DLG2: variants seen among roughly 807,000 people sequenced by gnomAD.
DLG2 encodes disks large homolog 2.
DLG2 carries 45 observed loss-of-function variants against 132.5 expected under a neutral mutation model. The observed-to-expected ratio is 0.34, with a 90% CI of 0.27 to 0.44. DLG2 has a LOEUF of 0.44. Among genes scored for constraint, DLG2 ranks in the 20% least tolerant of loss-of-function variants. The probability of loss-of-function intolerance (pLI) is 1.00; values close to 1 mark genes in which losing one functional copy is unlikely to be tolerated. For missense variants in DLG2, 1,045 were observed against 1,196.9 expected (o/e 0.87, Z 1.87); for synonymous variants, 424 against 419.6 (o/e 1.01, Z -0.13).
intron 19 of DLG2, among the ~76,000 whole-genome samples, chr11:83,589,676 A>G (rs1488646284): frequency 6.6e-6 from 1 of 150,648 alleles, no homozygotes; most frequent in Non-Finnish European, 1.5e-5. Flanking sequence ...AAATGCTCCA[A>G]TTAAAAGACA....
At chr11:84,067,986 A>T (rs973403890) in intron 10 of DLG2, among the ~76,000 whole-genome samples, 1 of 152,138 alleles carries the variant, frequency 6.6e-6, no homozygotes, top group Non-Finnish European at 1.5e-5. Context: ...AACCTGGTTC[A>T]CTTGTCAAGT....
intron 14 of DLG2, among the ~76,000 whole-genome samples, chr11:83,945,720 T>A (rs2083671786): frequency 6.6e-6 from 1 of 151,986 alleles, no homozygotes; most frequent in African/African-American, 2.4e-5. Flanking sequence ...GAGCAATGAT[T>A]TTCTTTGCAC....
intron 8 of DLG2, among the ~76,000 whole-genome samples, chr11:84,242,537 C>G (rs983840791): frequency 3.9e-5 from 6 of 151,904 alleles, no homozygotes; most frequent in African/African-American, 1.5e-4. Flanking sequence ...TCCCAAGTAG[C>G]TGGGATTACA....
chr11:84,495,130 G>A (rs951081478), intron 7 of DLG2, among the ~76,000 whole-genome samples: 7 of 151,952 alleles, frequency 4.6e-5, no homozygotes, highest in Admixed American at 4.6e-4. Context: ...AATTACCATC[G>A]TACTTATATA....
chr11:85,332,230 T>G (rs1170368533), intron 3 of DLG2, among the ~76,000 whole-genome samples: 3 of 152,202 alleles, frequency 2.0e-5, no homozygotes, highest in Non-Finnish European at 4.4e-5. Flanking sequence ...TAATAAACAT[T>G]TGTTCATGTG....
chr11:83,950,596 A>G (rs987663686), intron 14 of DLG2, among the ~76,000 whole-genome samples: 1 of 152,242 alleles, frequency 6.6e-6, no homozygotes, highest in Non-Finnish European at 1.5e-5. Flanking sequence ...CCTGTCTCAA[A>G]AAACAAACAA....
rs117295723 is a variant in DLG2, at chr11:83,489,392, A to G, written c.2194-5164T>C. Among the ~76,000 whole-genome samples the G allele has an allele frequency of 1.1e-4, 17 of 152,148 alleles. No homozygotes were observed. In the East Asian group the frequency reaches 3.3e-3, roughly 29 times the overall value. Reference sequence around the variant, plus strand: ...AGAAACCAATAAAAAATGGCAGGAAAACACATAGATCAGAAGAAACTTTGA... The same window carrying G: ...AGAAACCAATAAAAAATGGCAGGAAGACACATAGATCAGAAGAAACTTTGA... On this transcript the variant is annotated intron_variant, in intron 21 of 27. Transcript: ENST00000376104.
chr11:83,613,965 T>C (rs1283371871), intron 19 of DLG2, among the ~76,000 whole-genome samples: 1 of 152,120 alleles, frequency 6.6e-6, no homozygotes, highest in African/African-American at 2.4e-5. Context: ...TACCTCGAGC[T>C]AAGGTTGAGA....
At chr11:85,434,898 T>A (rs2091393269) in intron 3 of DLG2, among the ~76,000 whole-genome samples, 1 of 152,188 alleles carries the variant, frequency 6.6e-6, no homozygotes, top group South Asian at 2.1e-4. Flanking sequence ...ATATCCCTGA[T>A]GAACATTGAT....
intron 7 of DLG2, among the ~76,000 whole-genome samples, chr11:84,279,982 C>T (rs949012127): frequency 2.6e-5 from 4 of 152,136 alleles, no homozygotes; most frequent in African/African-American, 9.7e-5. Context: ...AAGATAAGTA[C>T]GTCCCTTCTC....
intron 4 of DLG2, among the ~76,000 whole-genome samples, chr11:85,269,777 A>T (rs12788992): frequency 0.07 from 10,706 of 152,176 alleles, 623 homozygotes; most frequent in African/African-American, 0.16. Context: ...TTTTGTGATT[A>T]TTGTCCAGGA....
At chr11:83,507,796 A>G (rs12225873) in intron 21 of DLG2, among the ~76,000 whole-genome samples, 9,391 of 114,840 alleles carry the variant, frequency 0.082, 472 homozygotes, top group South Asian at 0.14. Flanking sequence ...ATATATATAT[A>G]TATGTATATA....
chr11:85,065,591 G>C (rs994938736), intron 6 of DLG2, among the ~76,000 whole-genome samples: 2 of 150,368 alleles, frequency 1.3e-5, no homozygotes, highest in African/African-American at 4.9e-5. Flanking sequence ...TTTAAGTTCT[G>C]GGATAAAATA....
At chr11:83,562,413 G>A (rs552228582) in intron 19 of DLG2, among the ~76,000 whole-genome samples, 4 of 152,054 alleles carry the variant, frequency 2.6e-5, no homozygotes, top group Admixed American at 1.3e-4. Flanking sequence ...TGCCCTGGGT[G>A]GGGGGGTACC....
At position 84,202,608 on chromosome 11, in the gene DLG2, AT is replaced by A. The variant is rs2096611036; in HGVS notation, c.574-39098del. Among the ~76,000 whole-genome samples the A allele has an allele frequency of 1.3e-5, 2 of 152,228 alleles. 1 individual carries two copies. The highest frequency in any genetic ancestry group is 3.9e-4 in the East Asian group (2 of 5,194). ...AAAAGCAATTGAAACAAAAGCAAAA[AT>A]TGACAAATAGGATATAATTAAACTA... On this transcript the variant is annotated intron_variant, in intron 8 of 27. Transcript: ENST00000376104.
chr11:85,020,356 G>A (rs1006999477), intron 6 of DLG2, among the ~76,000 whole-genome samples: 2 of 152,102 alleles, frequency 1.3e-5, no homozygotes, highest in Non-Finnish European at 2.9e-5. Context: ...GTAGATTCTC[G>A]ATATTAGCCC....
chr11:84,546,661 A>G (rs2099390547), intron 6 of DLG2: 1 of 532,736 alleles, frequency 1.9e-6, no homozygotes, highest in East Asian at 4.8e-5. Context: ...ACAGTGGCAT[A>G]TGTGACAAAC....
chr11:85,477,199 C>A (rs1383442590), intron 3 of DLG2, among the ~76,000 whole-genome samples: 1 of 152,108 alleles, frequency 6.6e-6, no homozygotes, highest in Non-Finnish European at 1.5e-5. Context: ...TGTTGAACAT[C>A]CTATTTAAAG....
chr11:84,694,310 A>G (rs2058381699), intron 6 of DLG2, among the ~76,000 whole-genome samples: 1 of 151,638 alleles, frequency 6.6e-6, no homozygotes. Context: ...TTGCATATAT[A>G]AAAGAAAATG....
Sources: allele counts gnomAD v4.1 joint callset (sites outside exome capture counted in the v4.1 genomes callset), GRCh38; gene constraint gnomAD v4.1.1; transcripts MANE v1.5; gene names NCBI Gene and HGNC (gene_info 2026-07-23, HGNC 2026-07-21).